The following DST variants were observed in gnomAD, a reference collection of about 807,000 sequenced individuals.
DST encodes the protein bullous pemphigoid antigen.
A neutral mutation model predicts 875.2 loss-of-function variants in DST; 253 were observed. The observed-to-expected ratio is 0.29, with a 90% CI of 0.26 to 0.32. The LOEUF (loss-of-function observed/expected upper bound fraction) is 0.32. Among genes scored for constraint, DST ranks in the 10% least tolerant of loss-of-function variants. The probability of loss-of-function intolerance (pLI) is 1.00; values close to 1 mark genes in which losing one functional copy is unlikely to be tolerated. For synonymous variants in DST, 3,124 were observed against 3,197.1 expected, an observed-to-expected ratio of 0.98 and a Z score of 0.77; for missense variants, 8,287 against 9,111.6, an observed-to-expected ratio of 0.91 and a Z score of 3.68.
Position 56,604,776 on chromosome 6 carries a change from C to T in DST, c.9852G>A (p.Gly3284=). 1 of 1,612,780 alleles carries T rather than the reference C, an allele frequency of 6.2e-7. No individual in the cohort carries two copies. Among genetic ancestry groups the T allele is most frequent in the Non-Finnish European group, 8.5e-7 (1 of 1,179,198 alleles). Residue 3284 remains glycine, a synonymous_variant, in exon 40 of 104, where the codon GGG becomes GGA. Transcript: ENST00000680361. ...GCTCCGACTGCAGAAAATCATTTTTCCCAACATCTTCTACATGTTTACGAG... is the reference window on the plus strand; with the variant it reads ...GCTCCGACTGCAGAAAATCATTTTTTCCAACATCTTCTACATGTTTACGAG... ...ILSRKHVEDV[G]KNDFLQSERC...
At chr6:56,695,126 C>CAAAAA (rs34456344) in intron 9 of DST, among the ~76,000 whole-genome samples, 43 of 70,052 alleles carry the variant, frequency 6.1e-4, no homozygotes, top group African/African-American at 2.3e-3. Context: ...GACTCCCTCT[C>CAAAAA]AAAAAAAAAA....
Position 56,709,997 on chromosome 6 carries a change from T to TA in DST, c.688-5629dup, listed in dbSNP as rs60261467. Among the ~76,000 whole-genome samples the TA allele has an allele frequency of 7.2e-4, 109 of 152,290 alleles. 2 individuals are homozygous for TA. The East Asian group carries it at 0.02, about 28-fold the overall frequency. ...GGCTGGAACGATGCGCCGGTGGACA[T>TA]AGAGGCTTTATATCCCAGGTTAAGA... On this transcript the variant is annotated intron_variant, in intron 5 of 103. Coordinates refer to ENST00000680361, the MANE Select transcript of DST (RefSeq NM_001374736.1).
Position 56,605,487 on chromosome 6 carries a change from T to C in DST, c.9141A>G (p.Glu3047=), listed in dbSNP as rs567598701. ...DGKSDILIED[E]TSIQKMYLGE... The stretch of plus-strand genomic sequence containing the variant: ...CCAAGTACATTTTCTGAATTGATGT[T>C]TCATCTTCTATTAGAATATCACTTT... The change falls in exon 40 of 104, where the codon GAA becomes GAG. Residue 3047 remains glutamate (E), a synonymous_variant. Transcript: ENST00000680361. The C allele has an allele frequency of 6.2e-7, 1 of 1,613,012 alleles. No individual in the cohort carries two copies. The highest frequency in any genetic ancestry group is 1.1e-5 in the South Asian group (1 of 91,042).
intron 88 of DST, chr6:56,484,366 C>T (rs1347297454): frequency 6.6e-6 from 1 of 151,314 alleles, no homozygotes; most frequent in Non-Finnish European, 1.5e-5. Context: ...TTTCACTTTT[C>T]AGGTGTAACA....
chr6:56,564,054 T>C (rs1464752683), intron 55 of DST, among the ~76,000 whole-genome samples: 1 of 152,226 alleles, frequency 6.6e-6, no homozygotes, highest in African/African-American at 2.4e-5. Flanking sequence ...GTCTCGGCTA[T>C]ACGGGCTCTT....
At chr6:56,612,648 T>G (rs568836521) in intron 37 of DST, among the ~76,000 whole-genome samples, 5 of 152,286 alleles carry the variant, frequency 3.3e-5, no homozygotes, top group African/African-American at 1.2e-4. Context: ...TTAGAGTCAA[T>G]TTAAAGTTTA....
At position 56,851,121 on chromosome 6, in the gene DST, G is replaced by A. The variant is rs957881213; in HGVS notation, c.625+276C>T. ...GGTAACTAATGCAGTAATTAGGAAA[G>A]TTTAGTGCAAATGTCTGTAAATATT... On this transcript the variant is annotated intron_variant, in intron 4 of 103. Transcript: ENST00000680361. The A allele has an allele frequency of 6.2e-6, 3 of 482,154 alleles. No individual in the cohort carries two copies. The South Asian group carries it at 1.1e-4, about 18-fold the overall frequency. 29.9% of individuals were successfully genotyped at this position (482,154 alleles called of 1,614,324 possible).
intron 4 of DST, among the ~76,000 whole-genome samples, chr6:56,778,695 C>T (rs188051425): frequency 6.6e-6 from 1 of 151,898 alleles, no homozygotes; most frequent in East Asian, 1.9e-4. Flanking sequence ...GATCCATGTC[C>T]CTACAAAGTA....
chr6:56,871,629 G>A (rs1015287108), intron 3 of DST: 23 of 755,884 alleles, frequency 3.0e-5, no homozygotes, highest in Middle Eastern at 7.3e-4. Flanking sequence ...CTGCCACATC[G>A]AGATGATCCT....
rs1463615455 is a variant in DST, at chr6:56,506,735, G to C, written c.19294C>G (p.Leu6432Val). 3 of 1,613,410 alleles carry C rather than the reference G, an allele frequency of 1.9e-6. No individual in the cohort carries two copies. The highest frequency in any genetic ancestry group is 1.3e-5 in the African/African-American group (1 of 74,868). ...LQEELDIVIN[L>V]GSELIAACGE... ...CATGCCGCAATGAGTTCAGAACCTA[G>C]GTTAATAACTATATCCAGCTCCTCC... is the stretch of plus-strand genomic sequence containing the variant. The change falls in exon 76 of 104, where the codon CTA becomes GTA. Residue 6432 changes from leucine to valine, a missense_variant. Leu to Val is a conservative substitution (Grantham distance 32). Transcript: ENST00000680361.
intron 61 of DST, among the ~76,000 whole-genome samples, chr6:56,550,386 A>G (rs1172479336): frequency 6.6e-6 from 1 of 152,208 alleles, no homozygotes; most frequent in Non-Finnish European, 1.5e-5. Context: ...ATTTTAGGAG[A>G]AATTATCACT....
chr6:56,790,755 T>C (rs112966233), intron 4 of DST, among the ~76,000 whole-genome samples: 2,844 of 152,248 alleles, frequency 0.019, 77 homozygotes, highest in African/African-American at 0.064. Context: ...AATCTATCAC[T>C]ATACTAAGAA....
chr6:56,794,285 A>G (rs966629777), intron 4 of DST, among the ~76,000 whole-genome samples: 1 of 152,162 alleles, frequency 6.6e-6, no homozygotes, highest in African/African-American at 2.4e-5. Context: ...ATTTACCACA[A>G]TCATATTATT....
intron 3 of DST, among the ~76,000 whole-genome samples, chr6:56,878,136 C>A (rs1285486414): frequency 2.0e-5 from 3 of 152,166 alleles, no homozygotes; most frequent in African/African-American, 7.2e-5. Flanking sequence ...ATTAGAGCAA[C>A]ATGAGCCCAT....
rs79362646 is a variant in DST, at chr6:56,560,828, T to C, written c.14311-405A>G. Among the ~76,000 whole-genome samples, 15 of 152,296 alleles carry C rather than the reference T, an allele frequency of 9.8e-5. No homozygotes were observed. The East Asian group carries it at 2.3e-3, about 23-fold the overall frequency. ...AACACTTTTTTTGGGCAACACATTA[T>C]AGAATTCAAATGTAGGTTGGTAATT... On this transcript the variant is annotated intron_variant, in intron 57 of 103. Coordinates refer to ENST00000680361, the MANE Select transcript of DST (RefSeq NM_001374736.1).
In DST at chr6:56,578,710, T is replaced by G. The variant is rs539198393; in HGVS notation, c.13027+104A>C. 1.4e-5 allele frequency: 17 copies of G among 1,201,424 alleles called. No individual in the cohort carries two copies. The East Asian group carries it at 1.5e-4, about 11-fold the overall frequency. 74.4% of individuals were successfully genotyped at this position (1,201,424 alleles called of 1,614,324 possible). A position where few individuals can be genotyped will look rare whatever the true frequency, so the allele number is the denominator to read the frequency against. On this transcript the variant is annotated intron_variant, in intron 50 of 103. Transcript: ENST00000680361. Reference sequence around the variant, plus strand: ...CACCATTTCACAGAGAAAGAGCACATAGAACACAATCTATAACTAGTGAAC... The same window carrying G: ...CACCATTTCACAGAGAAAGAGCACAGAGAACACAATCTATAACTAGTGAAC...
chr6:56,941,031 T>A (rs940511860), intron 2 of DST, among the ~76,000 whole-genome samples: 2 of 152,162 alleles, frequency 1.3e-5, no homozygotes, highest in African/African-American at 4.8e-5. Context: ...CTCAATTATA[T>A]CCATGTTTGC....
chr6:56,493,765 CTAAG>C (rs1295698958), intron 83 of DST, among the ~76,000 whole-genome samples: 1 of 151,974 alleles, frequency 6.6e-6, no homozygotes, highest in Admixed American at 6.6e-5. Flanking sequence ...AAAAATATAA[CTAAG>C]TAACATTTGA....
chr6:56,924,726 A>T (rs1806121071), intron 2 of DST, among the ~76,000 whole-genome samples: 1 of 152,116 alleles, frequency 6.6e-6, no homozygotes. Flanking sequence ...CTAATTTTCA[A>T]ACATATATGT....
Sources: allele counts gnomAD v4.1 joint callset (sites outside exome capture counted in the v4.1 genomes callset), GRCh38; gene constraint gnomAD v4.1.1; transcripts MANE v1.5; gene names NCBI Gene and HGNC (gene_info 2026-07-23, HGNC 2026-07-21).